The following CELF4 variants were observed in gnomAD, a reference collection of about 807,000 sequenced individuals.
The protein encoded by CELF4 is CUGBP Elav-like family member 4.
Under a neutral mutation model 59.9 loss-of-function variants are expected in CELF4, and 18 were observed. The observed-to-expected ratio is 0.30, with a 90% CI of 0.21 to 0.45. The LOEUF (loss-of-function observed/expected upper bound fraction) is 0.45. CELF4 is among the 20% of genes least tolerant of loss of function. CELF4 has a pLI of 1.00. For missense variants in CELF4, 456 were observed against 689.0 expected (o/e 0.66, Z 3.79); for synonymous variants, 261 against 267.1 (o/e 0.98, Z 0.22).
rs1262951479 is a variant in CELF4 at position 37,352,945 on chromosome 18, G to A, written c.370-31064C>T. Among the ~76,000 whole-genome samples, 4 of 152,108 alleles carry A rather than the reference G, an allele frequency of 2.6e-5. No homozygotes were observed. In the South Asian group the frequency reaches 8.3e-4, roughly 31 times the overall value. On this transcript the variant is annotated intron_variant, in intron 2 of 12. Coordinates refer to ENST00000420428, the MANE Select transcript of CELF4 (RefSeq NM_020180.4). ...GAGAACAAGAACCCTTTCTTGGCCG[G>A]GCGCGGTAGCTCACGCCTGTAATCC...
intron 2 of CELF4, among the ~76,000 whole-genome samples, chr18:37,336,010 C>T (rs2097760701): frequency 6.6e-6 from 1 of 152,176 alleles, no homozygotes; most frequent in East Asian, 1.9e-4. Flanking sequence ...GCCATTCATA[C>T]TCTCAGTCTT....
intron 2 of CELF4, among the ~76,000 whole-genome samples, chr18:37,376,020 T>C (rs962543998): frequency 6.6e-6 from 1 of 152,160 alleles, no homozygotes; most frequent in Non-Finnish European, 1.5e-5. Flanking sequence ...AGATGTTAAT[T>C]GCAATGGAAA....
intron 1 of CELF4, among the ~76,000 whole-genome samples, chr18:37,504,612 A>G (rs1603642872): frequency 6.6e-6 from 1 of 152,178 alleles, no homozygotes; most frequent in Non-Finnish European, 1.5e-5. Context: ...GGGTTAAGTG[A>G]GAACACACAT....
chr18:37,307,995 G>A (rs2096500676), intron 3 of CELF4, among the ~76,000 whole-genome samples: 1 of 152,128 alleles, frequency 6.6e-6, no homozygotes, highest in African/African-American at 2.4e-5. Context: ...GCATGTTCCT[G>A]GAGGTCTGGA....
chr18:37,487,794 A>G (rs1413580070), intron 1 of CELF4, among the ~76,000 whole-genome samples: 1 of 152,188 alleles, frequency 6.6e-6, no homozygotes, highest in Non-Finnish European at 1.5e-5. Flanking sequence ...GGAAATGACC[A>G]TATTGTTTCC....
At chr18:37,333,784 GCATC>G (rs59559131) in intron 2 of CELF4, among the ~76,000 whole-genome samples, 84,517 of 149,958 alleles carry the variant, frequency 0.56, 24,113 homozygotes, top group East Asian at 0.83. Flanking sequence ...CTCCATCCAT[GCATC>G]CATCCATCCA....
intron 1 of CELF4, among the ~76,000 whole-genome samples, chr18:37,537,629 GTTTAT>G (rs924122515): frequency 2.0e-5 from 3 of 152,226 alleles, no homozygotes; most frequent in Non-Finnish European, 4.4e-5. Flanking sequence ...GACAGGGGCT[GTTTAT>G]TTTATTTCCT....
At chr18:37,483,416 A>G (rs921069913) in intron 2 of CELF4, among the ~76,000 whole-genome samples, 8 of 152,084 alleles carry the variant, frequency 5.3e-5, no homozygotes, top group African/African-American at 1.7e-4. Flanking sequence ...TTTTGAGGCC[A>G]TGAGTTTCCC....
intron 3 of CELF4, 80 bp from the exon 4 acceptor site, chr18:37,275,323 G>C: frequency 5.3e-6 from 8 of 1,503,116 alleles, no homozygotes; most frequent in Admixed American, 3.8e-5. Context: ...GGGGGAGAGC[G>C]GCAGGGAAAG....
At chr18:37,398,821 C>T (rs565780909) in intron 2 of CELF4, among the ~76,000 whole-genome samples, 76 of 152,340 alleles carry the variant, frequency 5.0e-4, no homozygotes, top group African/African-American at 1.8e-3. Flanking sequence ...CAAATCCCTT[C>T]TCCTGCCAAG....
chr18:37,473,559 A>G (rs973021602), intron 2 of CELF4: 17 of 152,230 alleles, frequency 1.1e-4, no homozygotes, highest in African/African-American at 4.1e-4. Flanking sequence ...ATTGGAAACC[A>G]TGTCAGTAGC....
chr18:37,565,092 CCT>C (rs780658267), intron 1 of CELF4, among the ~76,000 whole-genome samples: 19 of 152,076 alleles, frequency 1.2e-4, no homozygotes, highest in Non-Finnish European at 2.2e-4. Flanking sequence ...TCCTCGATCC[CCT>C]CTCTCTTTCT....
At chr18:37,484,890 T>TCC (rs1223537752) in intron 2 of CELF4, among the ~76,000 whole-genome samples, 1 of 151,938 alleles carries the variant, frequency 6.6e-6, no homozygotes, top group Non-Finnish European at 1.5e-5. Context: ...CGTATATCTC[T>TCC]CCCCCCTCAC....
At chr18:37,332,309 G>T (rs1392178047) in intron 2 of CELF4, among the ~76,000 whole-genome samples, 1 of 152,152 alleles carries the variant, frequency 6.6e-6, no homozygotes, top group Non-Finnish European at 1.5e-5. Context: ...GGACGCAGTG[G>T]TCTCGGTCCA....
chr18:37,517,391 A>G (rs2099951916), intron 1 of CELF4, among the ~76,000 whole-genome samples: 1 of 152,030 alleles, frequency 6.6e-6, no homozygotes, highest in Admixed American at 6.5e-5. Flanking sequence ...TGTGGTTCCC[A>G]GGGTGGCTTT....
At chr18:37,488,589 G>A (rs1455702062) in intron 1 of CELF4, among the ~76,000 whole-genome samples, 1 of 152,090 alleles carries the variant, frequency 6.6e-6, no homozygotes, top group African/African-American at 2.4e-5. Context: ...CCTGATGGGA[G>A]GGTTTTTGCC....
At chr18:37,378,925 A>G (rs968544302) in intron 2 of CELF4, among the ~76,000 whole-genome samples, 10 of 152,196 alleles carry the variant, frequency 6.6e-5, no homozygotes, top group African/African-American at 2.4e-4. Context: ...CATGGTATCA[A>G]CCAGCCTTTT....
intron 2 of CELF4, among the ~76,000 whole-genome samples, chr18:37,447,528 G>A (rs935068263): frequency 6.6e-6 from 1 of 152,194 alleles, no homozygotes; most frequent in Non-Finnish European, 1.5e-5. Flanking sequence ...GCTGGAGGGA[G>A]CGACCCGTTT....
intron 1 of CELF4, among the ~76,000 whole-genome samples, chr18:37,536,212 T>G (rs1052625162): frequency 2.0e-5 from 3 of 149,978 alleles, no homozygotes; most frequent in Non-Finnish European, 4.4e-5. Flanking sequence ...GGATACTCCC[T>G]GGAGGGGTGA....
Sources: allele counts gnomAD v4.1 joint callset (sites outside exome capture counted in the v4.1 genomes callset), GRCh38; gene constraint gnomAD v4.1.1; transcripts MANE v1.5; gene names NCBI Gene and HGNC (gene_info 2026-07-23, HGNC 2026-07-21).